The following PCDHGB6 variants were observed in gnomAD, a reference collection of about 807,000 sequenced individuals.
The protein encoded by PCDHGB6 is protocadherin gamma-B6.
PCDHGB6 carries 51 observed loss-of-function variants against 59.1 expected under a neutral mutation model. That is an observed-to-expected ratio of 0.86 (90% confidence interval 0.69 to 1.09). PCDHGB6 has a LOEUF of 1.09. Among genes scored for constraint, PCDHGB6 ranks in the 50% least tolerant of loss-of-function variants. The pLI, the probability that PCDHGB6 is intolerant of heterozygous loss-of-function variation, is 0.00. For synonymous variants in PCDHGB6, 466 were observed against 495.1 expected (o/e 0.94, Z 0.78); for missense variants, 1,148 against 1,205.1 (o/e 0.95, Z 0.70).
At chr5:141,430,817 C>T (rs200369093) in intron 1 of PCDHGB6, 2 of 1,539,796 alleles carry the variant, frequency 1.3e-6, no homozygotes, top group Non-Finnish European at 1.7e-6. Flanking sequence ...GGGAATCCTC[C>T]TGGGGACTCT....
chr5:141,420,301 CT>C, intron 1 of PCDHGB6: 1 of 1,462,308 alleles, frequency 6.8e-7, no homozygotes, highest in Non-Finnish European at 9.2e-7. Flanking sequence ...GTATTTAATC[CT>C]TTTTATATTA....
At position 141,485,060 on chromosome 5, in the gene PCDHGB6, G is replaced by A. The variant is rs191055161; in HGVS notation, c.2419-9747G>A. 155 of 862,304 alleles carry A rather than the reference G, an allele frequency of 1.8e-4. No individual in the cohort carries two copies. The African/African-American group carries it at 2.3e-3, about 13-fold the overall frequency. 53.4% of individuals were successfully genotyped at this position (862,304 alleles called of 1,614,324 possible). ...ACCCTTGCGGCGCCGGCCGAACCGCGCCAGAGCTGGCGCGGGGAAAGGGAG... is the reference window on the plus strand; with the variant it reads ...ACCCTTGCGGCGCCGGCCGAACCGCACCAGAGCTGGCGCGGGGAAAGGGAG... On this transcript the variant is annotated intron_variant, in intron 1 of 3. Transcript: ENST00000520790. This position sits in a 1 kb window ranked among gnomAD's most constrained non-coding sequence, Gnocchi z 5.7.
intron 1 of PCDHGB6, among the ~76,000 whole-genome samples, chr5:141,459,831 G>T (rs907978430): frequency 1.3e-5 from 2 of 152,150 alleles, no homozygotes; most frequent in Non-Finnish European, 2.9e-5. Context: ...CTTTTCATGT[G>T]TTGTCTATTT....
rs139832920 is a variant in PCDHGB6, at chr5:141,432,866, G to T, written c.2418+22246G>T. On this transcript the variant is annotated intron_variant, in intron 1 of 3. Coordinates refer to ENST00000520790, the MANE Select transcript of PCDHGB6 (RefSeq NM_018926.3). This position sits in a 1 kb window ranked among gnomAD's most constrained non-coding sequence, Gnocchi z 6.0. ...GGTAGCGGTGGCCGCGGTCTCCTGC[G>T]TCTTCCTGGCCTTCGTCATCTTGCT... The T allele has an allele frequency of 1.9e-6, 3 of 1,614,034 alleles. No individual in the cohort carries two copies. The African/African-American group carries it at 4.0e-5, about 22-fold the overall frequency.
At chr5:141,437,042 A>G (rs1355358776) in intron 1 of PCDHGB6, among the ~76,000 whole-genome samples, 1 of 152,264 alleles carries the variant, frequency 6.6e-6, no homozygotes, top group Non-Finnish European at 1.5e-5. Context: ...CACCGAAACC[A>G]GAAGGCTGGT....
At chr5:141,427,602 A>G (rs1415454468) in intron 1 of PCDHGB6, 1 of 685,668 alleles carries the variant, frequency 1.5e-6, no homozygotes, top group Non-Finnish European at 2.7e-6. Flanking sequence ...CACCCTACGC[A>G]TTGGTGAAGT....
intron 1 of PCDHGB6, chr5:141,428,653 T>A (rs952656382): frequency 1.8e-5 from 3 of 167,524 alleles, no homozygotes; most frequent in Admixed American, 1.1e-4. Flanking sequence ...TCACGTGAGT[T>A]CCAATGAATG....
chr5:141,427,268 A>G (rs1433017911), intron 1 of PCDHGB6: 7 of 456,648 alleles, frequency 1.5e-5, no homozygotes, highest in Non-Finnish European at 3.1e-5. Flanking sequence ...TGACCAGCGA[A>G]TGTAAAATTA....
intron 1 of PCDHGB6, among the ~76,000 whole-genome samples, chr5:141,460,672 TATATCTATATA>T (rs2098995194): frequency 6.6e-6 from 1 of 152,086 alleles, no homozygotes; most frequent in Admixed American, 6.6e-5. Flanking sequence ...AACACAGTTA[TATATCTATATA>T]TCCACCAACA....
chr5:141,459,947 A>T (rs2098978538), intron 1 of PCDHGB6, among the ~76,000 whole-genome samples: 1 of 152,200 alleles, frequency 6.6e-6, no homozygotes, highest in African/African-American at 2.4e-5. Context: ...GCGTGATGGC[A>T]GGTGCCTGTA....
chr5:141,480,951 G>A (rs924500955), intron 1 of PCDHGB6, among the ~76,000 whole-genome samples: 4 of 152,038 alleles, frequency 2.6e-5, no homozygotes, highest in Non-Finnish European at 2.9e-5. Flanking sequence ...AGGCTGAGGC[G>A]GAAGCATCAG....
At position 141,511,462 on chromosome 5, in the gene PCDHGB6, C is replaced by A. The variant is rs1385398410; in HGVS notation, c.*289C>A. ...AGACACCAAGAACCATTTGCCACAC[C>A]CCGTTTAGTTACAGCTGAACTCCTC... On this transcript the variant is annotated 3_prime_UTR_variant, in exon 4 of 4. Coordinates refer to ENST00000520790, the MANE Select transcript of PCDHGB6 (RefSeq NM_018926.3). The A allele has an allele frequency of 4.7e-5, 26 of 556,350 alleles. No individual in the cohort carries two copies. Among genetic ancestry groups the A allele is most frequent in the Non-Finnish European group, 9.1e-6 (3 of 329,202 alleles). 34.5% of individuals were successfully genotyped at this position (556,350 alleles called of 1,614,324 possible). A position where few individuals can be genotyped will look rare whatever the true frequency, so the allele number is the denominator to read the frequency against.
intron 1 of PCDHGB6, among the ~76,000 whole-genome samples, chr5:141,463,861 A>G (rs1308802167): frequency 1.3e-5 from 2 of 152,340 alleles, no homozygotes; most frequent in East Asian, 1.9e-4. Context: ...ATCTGGTTTC[A>G]CATGACTGAA....
At chr5:141,453,807 A>G (rs752553367) in intron 1 of PCDHGB6, among the ~76,000 whole-genome samples, 3 of 152,250 alleles carry the variant, frequency 2.0e-5, no homozygotes, top group Non-Finnish European at 4.4e-5. Flanking sequence ...GAGTAGTTCC[A>G]TAAAGGACAA....
chr5:141,415,113 C>T, intron 1 of PCDHGB6: 1 of 1,613,642 alleles, frequency 6.2e-7, no homozygotes, highest in Middle Eastern at 1.7e-4. Context: ...AGCAAAGCCT[C>T]GTAGTGGCCG....
At position 141,408,889 on chromosome 5, in the gene PCDHGB6, A is replaced by G; in HGVS notation, c.687A>G (p.Glu229=). ...CAAGAAGTGCCACCGCTCACATAGA[A>G]ATTTCTGTCAAGGATACCAATGATA... ...DPPRSATAHI[E]ISVKDTNDNP... The change falls in exon 1 of 4, where the codon GAA becomes GAG. Residue 229 remains glutamate (E), a synonymous_variant. Coordinates refer to ENST00000520790, the MANE Select transcript of PCDHGB6 (RefSeq NM_018926.3). The G allele has an allele frequency of 6.2e-7, 1 of 1,613,232 alleles. No homozygotes were observed. The highest frequency in any genetic ancestry group is 8.5e-7 in the Non-Finnish European group (1 of 1,179,642).
Position 141,490,070 on chromosome 5 carries a change from T to C in PCDHGB6, c.2419-4737T>C, listed in dbSNP as rs2099695766. ...CCAGACGAGGGCACCAACGGCCAAC[T>C]AGACTATTCTTTTGGAGACCACACA... On this transcript the variant is annotated intron_variant, in intron 1 of 3. Transcript: ENST00000520790. The surrounding 1 kb of genome is among the most constrained non-coding windows in gnomAD (Gnocchi z 5.4). The C allele has an allele frequency of 6.2e-7, 1 of 1,614,198 alleles. No individual in the cohort carries two copies.
Position 141,412,258 on chromosome 5 carries a change from C to T in PCDHGB6, c.2418+1638C>T, listed in dbSNP as rs569698099. 5.8e-4 allele frequency: 88 copies of T among 152,314 alleles called. 1 individual carries two copies. The highest frequency in any genetic ancestry group is 2.0e-3 in the African/African-American group (83 of 41,568). 9.4% of individuals were successfully genotyped at this position (152,314 alleles called of 1,614,324 possible). On this transcript the variant is annotated intron_variant, in intron 1 of 3. Transcript: ENST00000520790. Reference sequence around the variant, plus strand: ...ATATCACTACATCTAACTTTGTTTTCTAAAACTTTTAGTACTTCAAATTCT... The same window carrying T: ...ATATCACTACATCTAACTTTGTTTTTTAAAACTTTTAGTACTTCAAATTCT...
chr5:141,453,067 C>A (rs1227122711), intron 1 of PCDHGB6, among the ~76,000 whole-genome samples: 1 of 152,024 alleles, frequency 6.6e-6, no homozygotes, highest in African/African-American at 2.4e-5. Context: ...AGAGTTTTGC[C>A]ACACTCTGGT....
Sources: allele counts gnomAD v4.1 joint callset (sites outside exome capture counted in the v4.1 genomes callset), GRCh38; gene constraint gnomAD v4.1.1; non-coding constraint Gnocchi (gnomAD v3.1); transcripts MANE v1.5; gene names NCBI Gene and HGNC (gene_info 2026-07-23, HGNC 2026-07-21).